The following FBXW11 variants were observed in gnomAD, a reference collection of about 807,000 sequenced individuals.
The protein encoded by FBXW11 is F-box and WD repeat domain containing 11, also known as F-box/WD repeat-containing protein 11.
Under a neutral mutation model 77.6 loss-of-function variants are expected in FBXW11, and 19 were observed. That is an observed-to-expected ratio of 0.24 (90% CI 0.17 to 0.36). The LOEUF is 0.36. FBXW11 is among the 10% of genes least tolerant of loss of function. FBXW11 has a pLI of 1.00. For synonymous variants in FBXW11, 235 were observed against 249.4 expected (o/e 0.94, Z 0.54); for missense variants, 334 against 704.2 (o/e 0.47, Z 5.95).
At position 171,980,752 on chromosome 5, in the gene FBXW11, G is replaced by A. The variant is rs1194193497; in HGVS notation, c.46-23054C>T. ...GTATAAGAATGTACAACCACTTTGG[G>A]AAAAGATCTGGCAGTTTCTTGAAAC... On this transcript the variant is annotated intron_variant, in intron 1 of 13. Coordinates refer to ENST00000517395, the MANE Select transcript of FBXW11 (RefSeq NM_001378974.1). Among the ~76,000 whole-genome samples, 4 of 152,224 alleles carry A rather than the reference G, an allele frequency of 2.6e-5. No homozygotes were observed. In the East Asian group the frequency reaches 7.7e-4, roughly 29 times the overall value.
At chr5:171,870,931 C>T in intron 10 of FBXW11, 73 bp from the exon 11 acceptor site, 1 of 987,512 alleles carries the variant, frequency 1.0e-6, no homozygotes, top group Non-Finnish European at 1.6e-6. Context: ...TTTTTTATAT[C>T]TGTTCCATAC....
At chr5:171,878,580 GTGTGTGTGTGTA>G (rs1168001195) in intron 7 of FBXW11, among the ~76,000 whole-genome samples, 17 of 69,062 alleles carry the variant, frequency 2.5e-4, no homozygotes, top group Admixed American at 5.8e-4. Context: ...GTGTGTGTGT[GTGTGTGTGTGTA>G]AGAGAGAGAG....
chr5:171,973,375 T>C (rs1401379999), intron 1 of FBXW11, among the ~76,000 whole-genome samples: 2 of 152,232 alleles, frequency 1.3e-5, no homozygotes, highest in African/African-American at 4.8e-5. Context: ...CTATTCACTA[T>C]AAGCAATCTG....
At chr5:171,872,788 T>G in intron 10 of FBXW11, 84 bp downstream of exon 10, 1 of 941,318 alleles carries the variant, frequency 1.1e-6, no homozygotes. Flanking sequence ...TTACCCTGAG[T>G]TGTTTTGAGC....
chr5:172,005,711 C>T (rs751947343), intron 1 of FBXW11, among the ~76,000 whole-genome samples: 17 of 152,064 alleles, frequency 1.1e-4, no homozygotes, highest in Non-Finnish European at 1.9e-4. Context: ...GCTCCCTCCC[C>T]AGTCATCTCC....
At chr5:171,916,408 CA>C in intron 2 of FBXW11, 2 of 983,038 alleles carry the variant, frequency 2.0e-6, no homozygotes, top group Non-Finnish European at 2.4e-6. Context: ...TCAAGGTCCA[CA>C]ATGAGGGAGA....
chr5:172,000,158 T>C (rs73329856), intron 1 of FBXW11, among the ~76,000 whole-genome samples: 69 of 152,340 alleles, frequency 4.5e-4, no homozygotes, highest in African/African-American at 1.6e-3. Context: ...TCTAATTCAA[T>C]GAACAATACA....
chr5:171,983,260 G>A (rs960795166), intron 1 of FBXW11, among the ~76,000 whole-genome samples: 2 of 152,028 alleles, frequency 1.3e-5, no homozygotes, highest in African/African-American at 4.8e-5. Context: ...CCTGGAGGGT[G>A]GCACACTCAC....
chr5:171,936,143 A>G (rs1762471381), intron 2 of FBXW11, among the ~76,000 whole-genome samples: 1 of 151,132 alleles, frequency 6.6e-6, no homozygotes, highest in Non-Finnish European at 1.5e-5. Flanking sequence ...GAATAAAACA[A>G]GTCTGAAGAT....
intron 2 of FBXW11, among the ~76,000 whole-genome samples, chr5:171,955,245 G>A (rs564592341): frequency 6.6e-6 from 1 of 152,302 alleles, no homozygotes; most frequent in Non-Finnish European, 1.5e-5. Flanking sequence ...CATATAGACA[G>A]GTCAATGGGC....
In FBXW11 at chr5:171,875,685, A is replaced by T. The variant is rs182073464; in HGVS notation, c.1221+600T>A. Among the ~76,000 whole-genome samples the T allele has an allele frequency of 1.1e-3, 175 of 152,298 alleles. 1 individual carries two copies. The highest frequency in any genetic ancestry group is 3.9e-3 in the African/African-American group (164 of 41,560). ...GCTGAGATATTGGAATCAGGACTGC[A>T]TTTACCATATCCTAGGGAATCACCC... On this transcript the variant is annotated intron_variant, in intron 9 of 13. Transcript: ENST00000517395.
intron 2 of FBXW11, among the ~76,000 whole-genome samples, chr5:171,939,627 G>A (rs1300309712): frequency 6.8e-6 from 1 of 148,064 alleles, no homozygotes; most frequent in East Asian, 2.0e-4. Context: ...GATCCCAGGA[G>A]TGGAGGCTGC....
At chr5:171,899,621 A>G (rs1245972126) in intron 5 of FBXW11, among the ~76,000 whole-genome samples, 1 of 152,218 alleles carries the variant, frequency 6.6e-6, no homozygotes, top group Non-Finnish European at 1.5e-5. Flanking sequence ...TCATATCTAT[A>G]TTTTGGTAAT....
chr5:171,886,505 T>G (rs1330769592), intron 7 of FBXW11, among the ~76,000 whole-genome samples: 2 of 151,886 alleles, frequency 1.3e-5, no homozygotes, highest in African/African-American at 4.8e-5. Context: ...CACACCAACA[T>G]GGCACATGTA....
intron 1 of FBXW11, chr5:171,997,006 T>C (rs1201373058): frequency 1.6e-6 from 2 of 1,289,762 alleles, no homozygotes. Context: ...TTCCGTTTAC[T>C]GTATCCAGCT....
intron 2 of FBXW11, among the ~76,000 whole-genome samples, chr5:171,927,328 T>C (rs955048690): frequency 6.6e-6 from 1 of 152,144 alleles, no homozygotes; most frequent in Non-Finnish European, 1.5e-5. Flanking sequence ...CTCAATTCTT[T>C]CAAAGGAACT....
intron 7 of FBXW11, among the ~76,000 whole-genome samples, chr5:171,881,495 G>C (rs1022718944): frequency 1.3e-5 from 2 of 152,054 alleles, no homozygotes; most frequent in Non-Finnish European, 2.9e-5. Context: ...TTGATATGAC[G>C]GATTAATTGA....
intron 2 of FBXW11, among the ~76,000 whole-genome samples, chr5:171,948,758 A>G (rs991688393): frequency 2.0e-5 from 3 of 152,222 alleles, no homozygotes; most frequent in African/African-American, 7.2e-5. Context: ...ACGTTTTTTA[A>G]TGTGTTCTGA....
chr5:171,901,280 A>G (rs890050884), intron 4 of FBXW11, among the ~76,000 whole-genome samples: 1 of 152,224 alleles, frequency 6.6e-6, no homozygotes, highest in African/African-American at 2.4e-5. Context: ...AAATAATTAG[A>G]AGTAGTATAA....
Sources: gnomAD v4.1 joint callset for allele counts (sites outside exome capture counted in the v4.1 genomes callset) on GRCh38, gnomAD v4.1.1 for gene constraint, MANE v1.5 for transcripts, NCBI Gene and HGNC (gene_info 2026-07-23, HGNC 2026-07-21) for gene names.